The following GPR160 variants were observed in gnomAD, a reference collection of about 807,000 sequenced individuals.
The protein encoded by GPR160 is G protein-coupled receptor 160, also known as probable G protein-coupled receptor 160.
A neutral mutation model predicts 2.6 loss-of-function variants in GPR160; 2 were observed. That is an observed-to-expected ratio of 0.77 (90% CI 0.32 to 2.44). The LOEUF is 2.44. Among genes scored for constraint, GPR160 ranks in the 30% most tolerant of loss-of-function variants. The pLI, the probability that GPR160 is intolerant of heterozygous loss-of-function variation, is 0.11. For synonymous variants in GPR160, 130 were observed against 132.2 expected (o/e 0.98, Z 0.12); for missense variants, 351 against 383.6 (o/e 0.91, Z 0.71).
At chr3:170,082,904 T>G (rs1713204784) in intron 3 of GPR160, among the ~76,000 whole-genome samples, 1 of 151,966 alleles carries the variant, frequency 6.6e-6, no homozygotes, top group South Asian at 2.1e-4. Flanking sequence ...CAACCTGTGT[T>G]GTTTTGAACC....
chr3:170,050,001 C>T (rs953121494), intron 2 of GPR160: 1 of 152,122 alleles, frequency 6.6e-6, no homozygotes, highest in Non-Finnish European at 1.5e-5. Flanking sequence ...TTCCTCTCAC[C>T]AGCAGACCAG....
At chr3:170,063,552 C>CAAAAAAAAA (rs528295183) in intron 2 of GPR160, among the ~76,000 whole-genome samples, 9 of 78,934 alleles carry the variant, frequency 1.1e-4, no homozygotes, top group African/African-American at 3.6e-4. Flanking sequence ...ACAAAAAAAG[C>CAAAAAAAAA]AAAAAAAAAA....
chr3:170,082,949 TTTG>T (rs1713208138), intron 3 of GPR160, among the ~76,000 whole-genome samples: 1 of 151,496 alleles, frequency 6.6e-6, no homozygotes, highest in Admixed American at 6.6e-5. Context: ...ATTGACTGGG[TTTG>T]TTGTTCTTGT....
chr3:170,064,341 C>T (rs1326739559), intron 2 of GPR160, among the ~76,000 whole-genome samples: 1 of 152,048 alleles, frequency 6.6e-6, no homozygotes, highest in African/African-American at 2.4e-5. Context: ...CCCAGATCCC[C>T]CAACCCGAAC....
intron 2 of GPR160, chr3:170,077,408 G>A (rs781094433): frequency 1.3e-5 from 2 of 152,148 alleles, no homozygotes; most frequent in Non-Finnish European, 2.9e-5. Context: ...ATGAAATGTA[G>A]ATGTATAGGT....
rs756406779 is a variant in GPR160 at position 170,085,041 on chromosome 3, A to C, written c.*52A>C. 1 of 1,022,272 alleles carries C rather than the reference A, an allele frequency of 9.8e-7. No individual in the cohort carries two copies. Among genetic ancestry groups the C allele is most frequent in the South Asian group, 1.9e-5 (1 of 52,198 alleles). The allele number at this position is 1,022,272 out of a possible 1,614,324, so 63.3% of individuals were successfully genotyped here. On this transcript the variant is annotated 3_prime_UTR_variant, in exon 4 of 4. Transcript: ENST00000355897. ...CATAAGATCATAATTTTATGAACAGAAAGAACTCAGGACATATTAAAAAAT... is the reference window on the plus strand; with the variant it reads ...CATAAGATCATAATTTTATGAACAGCAAGAACTCAGGACATATTAAAAAAT...
intron 2 of GPR160, among the ~76,000 whole-genome samples, chr3:170,060,361 A>G (rs1408614388): frequency 5.3e-5 from 8 of 152,244 alleles, no homozygotes; most frequent in Non-Finnish European, 1.5e-5. Context: ...TGATTAATTC[A>G]GGCAAGGATA....
intron 2 of GPR160, among the ~76,000 whole-genome samples, chr3:170,052,796 C>G (rs180827990): frequency 6.6e-5 from 10 of 152,238 alleles, no homozygotes; most frequent in African/African-American, 2.4e-4. Flanking sequence ...GAATTCTTTA[C>G]TCTAAGGTTG....
In GPR160 at chr3:170,038,627, C is replaced by G. The variant is rs1284212718; in HGVS notation, c.-321-288C>G. Among the ~76,000 whole-genome samples, 1 of 151,952 alleles carries G rather than the reference C, an allele frequency of 6.6e-6. No homozygotes were observed. The highest frequency in any genetic ancestry group is 2.4e-5 in the African/African-American group (1 of 41,396). On this transcript the variant is annotated intron_variant, in intron 1 of 3. Transcript: ENST00000355897. The surrounding 1 kb of genome is among the most constrained non-coding windows in gnomAD (Gnocchi z 5.3). Reference sequence around the variant, plus strand: ...TGCAACTCTTCGCTCTTTCCTGGCGCCCAGAGGTGAATAGTCTCACACACA... The same window carrying G: ...TGCAACTCTTCGCTCTTTCCTGGCGGCCAGAGGTGAATAGTCTCACACACA...
chr3:170,044,781 T>C (rs1475517538), intron 2 of GPR160, among the ~76,000 whole-genome samples: 1 of 152,084 alleles, frequency 6.6e-6, no homozygotes, highest in Non-Finnish European at 1.5e-5. Context: ...AAAGGGCCCC[T>C]CTCCCCCATC....
chr3:170,039,142 C>T (rs534438626), intron 2 of GPR160, 99 bp downstream of exon 2: 1 of 151,892 alleles, frequency 6.6e-6, no homozygotes, highest in East Asian at 1.9e-4. Flanking sequence ...GTTATTGCTT[C>T]GAGTGAAATG....
At chr3:170,067,009 T>A (rs755447948) in intron 2 of GPR160, among the ~76,000 whole-genome samples, 3 of 152,180 alleles carry the variant, frequency 2.0e-5, no homozygotes, top group Non-Finnish European at 4.4e-5. Flanking sequence ...CTTTTATACT[T>A]CTTAATTAAT....
intron 2 of GPR160, among the ~76,000 whole-genome samples, chr3:170,045,617 G>GA (rs922104786): frequency 1.3e-5 from 2 of 149,892 alleles, no homozygotes; most frequent in East Asian, 3.9e-4. Context: ...AAAAAAGAAA[G>GA]AAAAAAAAAG....
intron 3 of GPR160, among the ~76,000 whole-genome samples, chr3:170,082,486 G>A (rs775630428): frequency 2.0e-5 from 3 of 152,178 alleles, no homozygotes; most frequent in Non-Finnish European, 4.4e-5. Context: ...CTGACCTGAT[G>A]CTCAAATGAA....
At chr3:170,059,685 T>TTC (rs1337591433) in intron 2 of GPR160, among the ~76,000 whole-genome samples, 2 of 152,168 alleles carry the variant, frequency 1.3e-5, no homozygotes, top group African/African-American at 4.8e-5. Context: ...CCCTTTTTTT[T>TTC]CTTCAGCTTT....
intron 2 of GPR160, among the ~76,000 whole-genome samples, chr3:170,064,524 T>TC: frequency 7.2e-6 from 1 of 138,754 alleles, no homozygotes; most frequent in Non-Finnish European, 1.6e-5. Context: ...CTTTTTTTTT[T>TC]TTTTTTTTTT....
At chr3:170,064,599 ATC>A (rs1332552810) in intron 2 of GPR160, among the ~76,000 whole-genome samples, 1 of 143,778 alleles carries the variant, frequency 7.0e-6, no homozygotes, top group Admixed American at 7.4e-5. Flanking sequence ...GCTCGCTGCA[ATC>A]TCCACCTCCC....
chr3:170,048,771 G>A (rs1265390862), intron 2 of GPR160, among the ~76,000 whole-genome samples: 5 of 152,156 alleles, frequency 3.3e-5, no homozygotes, highest in African/African-American at 7.2e-5. Context: ...TGTTTGTGTC[G>A]CCGGGTTCTC....
intron 2 of GPR160, among the ~76,000 whole-genome samples, chr3:170,047,137 C>T (rs1172954213): frequency 6.6e-6 from 1 of 152,076 alleles, no homozygotes; most frequent in African/African-American, 2.4e-5. Context: ...CCCTCCTGCC[C>T]CAGGTGCAGA....
Sources: allele counts gnomAD v4.1 joint callset (sites outside exome capture counted in the v4.1 genomes callset), GRCh38; gene constraint gnomAD v4.1.1; non-coding constraint Gnocchi (gnomAD v3.1); transcripts MANE v1.5; gene names NCBI Gene and HGNC (gene_info 2026-07-23, HGNC 2026-07-21).